The following MAT2A variants were observed in gnomAD, a reference collection of about 807,000 sequenced individuals.
MAT2A encodes S-adenosylmethionine synthase isoform type-2.
A neutral mutation model predicts 43.9 loss-of-function variants in MAT2A; 3 were observed. The observed-to-expected ratio is 0.07, with a 90% CI of 0.03 to 0.18. The LOEUF is 0.18. Among genes scored for constraint, MAT2A ranks in the 10% least tolerant of loss-of-function variants. The pLI is 1.00. For synonymous variants in MAT2A, 200 were observed against 168.4 expected, an observed-to-expected ratio of 1.19 and a Z score of -1.45; for missense variants, 204 against 489.0, an observed-to-expected ratio of 0.42 and a Z score of 5.50.
At chr2:85,541,200 C>G in intron 2 of MAT2A, 40 bp downstream of exon 2, 1 of 1,610,376 alleles carries the variant, frequency 6.2e-7, no homozygotes, top group Non-Finnish European at 8.5e-7. Context: ...GGAAAGATAG[C>G]ATAAAAATTA....
In MAT2A at chr2:85,544,401, C is replaced by T. The variant is rs1573310292; in HGVS notation, c.*629C>T. On this transcript the variant is annotated 3_prime_UTR_variant, in exon 9 of 9. Transcript: ENST00000306434. ...AAAAAGGCAGTTACCATTAAACCAT[C>T]TCCCTGGTGCTTATGCTCTTAATTG... 6.5e-6 allele frequency: 1 copy of T among 152,682 alleles called. No individual in the cohort carries two copies. Among genetic ancestry groups the T allele is most frequent in the African/African-American group, 2.4e-5 (1 of 41,456 alleles). The allele number at this position is 152,682 out of a possible 1,614,324, so 9.5% of individuals were successfully genotyped here. A position where few individuals can be genotyped will look rare whatever the true frequency, so the allele number is the denominator to read the frequency against.
chr2:85,542,768 G>A (rs760713210), intron 7 of MAT2A, 21 bp downstream of exon 7: 17 of 1,585,788 alleles, frequency 1.1e-5, no homozygotes, highest in South Asian at 3.4e-5. Context: ...TTTATATAAC[G>A]AACGATTAAA....
chr2:85,542,876 T>G, intron 7 of MAT2A, 25 bp from the exon 8 acceptor site: 1 of 1,605,728 alleles, frequency 6.2e-7, no homozygotes, highest in Non-Finnish European at 8.5e-7. Context: ...AATCACTGAT[T>G]CTTACGACAT....
rs1319142941 is a variant in MAT2A at position 85,541,114 on chromosome 2, C to A, written c.123C>A (p.Val41=). 6.2e-7 allele frequency: 1 copy of A among 1,613,756 alleles called. No individual in the cohort carries two copies. The highest frequency in any genetic ancestry group is 1.3e-5 in the African/African-American group (1 of 75,020). The change falls in exon 2 of 9, where the codon GTC becomes GTA. Residue 41 remains valine, a synonymous_variant. Coordinates refer to ENST00000306434, the MANE Select transcript of MAT2A (RefSeq NM_005911.6). ...TTTGTGACCAAATCAGTGATGCTGT[C>A]CTTGATGCCCACCTTCAGCAGGATC... ...DKICDQISDA[V]LDAHLQQDPD... is the part of the protein sequence containing the mutation.
chr2:85,542,006 T>G (rs992684601), intron 5 of MAT2A, 34 bp downstream of exon 5: 17 of 1,605,622 alleles, frequency 1.1e-5, no homozygotes, highest in Non-Finnish European at 1.4e-5. Context: ...GTTGTCTCAT[T>G]TATTACATCA....
At chr2:85,543,620 T>C in intron 8 of MAT2A, 50 bp from the exon 9 acceptor site, 1 of 1,130,776 alleles carries the variant, frequency 8.8e-7, no homozygotes. Context: ...ATTGTTTTGC[T>C]TTATTTTAAT....
chr2:85,541,913 C>G lies in MAT2A; in HGVS notation c.490C>G (p.Leu164Val). The G allele has an allele frequency of 6.2e-7, 1 of 1,614,252 alleles. No individual in the cohort carries two copies. The highest frequency in any genetic ancestry group is 2.2e-5 in the East Asian group (1 of 44,890). ...CTTGGCACACAAGCTAAATGCCAAA[C>G]TGGCAGAACTACGCCGTAATGGCAC... ...IVLAHKLNAK[L>V]AELRRNGTLP... The change falls in exon 5 of 9, where the codon CTG becomes GTG. Residue 164 changes from leucine to valine, a missense_variant. Transcript: ENST00000306434.
In MAT2A at chr2:85,544,014, T is replaced by C; in HGVS notation, c.*242T>C. On this transcript the variant is annotated 3_prime_UTR_variant, in exon 9 of 9. Coordinates refer to ENST00000306434, the MANE Select transcript of MAT2A (RefSeq NM_005911.6). Reference sequence around the variant, plus strand: ...GAATTTAGTGAGCATAGGTGATCCATGTAACTGCCTAGAAACAACACTGTA... The same window carrying C: ...GAATTTAGTGAGCATAGGTGATCCACGTAACTGCCTAGAAACAACACTGTA... 1 of 361,150 alleles carries C rather than the reference T, an allele frequency of 2.8e-6. No homozygotes were observed. The highest frequency in any genetic ancestry group is 5.1e-6 in the Non-Finnish European group (1 of 197,144). 22.4% of individuals were successfully genotyped at this position (361,150 alleles called of 1,614,324 possible). A position where few individuals can be genotyped will look rare whatever the true frequency, so the allele number is the denominator to read the frequency against.
chr2:85,540,985 A>C, intron 1 of MAT2A, 98 bp from the exon 2 acceptor site: 1 of 774,642 alleles, frequency 1.3e-6, no homozygotes, highest in African/African-American at 1.7e-5. Flanking sequence ...TAAAATCTCC[A>C]AAGATTTTAC....
chr2:85,541,341 G>A lies in MAT2A; in HGVS notation c.256G>A (p.Ala86Thr), dbSNP rs924043399. The change falls in exon 3 of 9, where the codon GCT becomes ACT. Residue 86 changes from alanine to threonine, a missense_variant. Transcript: ENST00000306434. ...TGACTACCAGAAAGTGGTTCGTGAA[G>A]CTGTTAAACACATTGGATATGATGA... is the stretch of plus-strand genomic sequence containing the variant. Reference protein sequence around the residue: ...AVDYQKVVREAVKHIGYDDSS... With the variant: ...AVDYQKVVRETVKHIGYDDSS... 3 of 1,613,792 alleles carry A rather than the reference G, an allele frequency of 1.9e-6. No individual in the cohort carries two copies. Among genetic ancestry groups the A allele is most frequent in the African/African-American group, 2.7e-5 (2 of 74,922 alleles).
At chr2:85,542,401 G>C (rs749772574) in intron 6 of MAT2A, 28 bp downstream of exon 6, 1 of 1,601,762 alleles carries the variant, frequency 6.2e-7, no homozygotes, top group Admixed American at 1.7e-5. Flanking sequence ...CATTTTTCTG[G>C]ATTTTTGATG....
At chr2:85,539,597 T>G in intron 1 of MAT2A, 1 of 423,578 alleles carries the variant, frequency 2.4e-6, no homozygotes. Context: ...CCTTCCCCCC[T>G]CCCTTTTCAT....
chr2:85,541,298 T>TA lies in MAT2A; in HGVS notation c.214dup (p.Thr72AsnfsTer7). On this transcript the variant is annotated frameshift_variant, in exon 3 of 9. Coordinates refer to ENST00000306434, the MANE Select transcript of MAT2A (RefSeq NM_005911.6). LOFTEE classifies it high-confidence loss of function. ...GAATGATCCTTCTTGCTGGGGAAAT[T>TA]ACATCCAGAGCTGCTGTTGACTACC... The TA allele has an allele frequency of 6.2e-7, 1 of 1,614,186 alleles. No individual in the cohort carries two copies. Among genetic ancestry groups the TA allele is most frequent in the Non-Finnish European group, 8.5e-7 (1 of 1,180,028 alleles).
intron 8 of MAT2A, 126 bp downstream of exon 8, chr2:85,543,160 G>C: frequency 8.8e-7 from 1 of 1,138,106 alleles, no homozygotes; most frequent in Non-Finnish European, 1.2e-6. Context: ...TTTAATTCCT[G>C]GAACAGTTTT....
At chr2:85,540,304 AGTT>A (rs756677182) in intron 1 of MAT2A, among the ~76,000 whole-genome samples, 11 of 152,300 alleles carry the variant, frequency 7.2e-5, no homozygotes, top group Non-Finnish European at 1.6e-4. Flanking sequence ...TGACCGCAGT[AGTT>A]ATCTATCTGG....
Position 85,541,823 on chromosome 2 carries a change from C to G in MAT2A, c.406-6C>G. ...TTGATCACATTGGTGACTTTTCTTT[C>G]TTTAGGGCTTAATGTTTGGCTATGC... On this transcript the variant is annotated splice_polypyrimidine_tract_variant and splice_region_variant and intron_variant, in intron 4 of 8. Coordinates refer to ENST00000306434, the MANE Select transcript of MAT2A (RefSeq NM_005911.6). The G allele has an allele frequency of 1.2e-6, 2 of 1,613,922 alleles. No homozygotes were observed. The highest frequency in any genetic ancestry group is 1.7e-6 in the Non-Finnish European group (2 of 1,179,824).
intron 1 of MAT2A, 68 bp downstream of exon 1, chr2:85,539,446 G>T: frequency 1.5e-6 from 2 of 1,317,454 alleles, no homozygotes; most frequent in South Asian, 1.3e-5. Flanking sequence ...GGCTGGCTGC[G>T]GCCGGCCGGT....
Position 85,539,319 on chromosome 2 carries a change from C to T in MAT2A, c.32C>T (p.Ala11Val), listed in dbSNP as rs139547506. 27 of 1,606,082 alleles carry T rather than the reference C, an allele frequency of 1.7e-5. No individual in the cohort carries two copies. The African/African-American group carries it at 3.1e-4, about 19-fold the overall frequency. MNGQLNGFHEAFIEEGTFLFT... is the reference protein window; with the variant it reads MNGQLNGFHEVFIEEGTFLFT... ...GGACAGCTCAACGGCTTCCACGAGGCGTTCATCGAGGAGGGCACATTCCTT... is the reference window on the plus strand; with the variant it reads ...GGACAGCTCAACGGCTTCCACGAGGTGTTCATCGAGGAGGGCACATTCCTT... Residue 11 changes from alanine to valine, a missense_variant, in exon 1 of 9, where the codon GCG becomes GTG. This residue lies in a region of MAT2A where 36 missense variants were observed against 24.2 expected (regional missense o/e 1.49). Transcript: ENST00000306434.
At chr2:85,540,556 C>G (rs929123113) in intron 1 of MAT2A, among the ~76,000 whole-genome samples, 2 of 152,146 alleles carry the variant, frequency 1.3e-5, no homozygotes, top group Non-Finnish European at 2.9e-5. Flanking sequence ...TTTGTTCTCC[C>G]TCCTAACAAT....
Sources: allele counts gnomAD v4.1 joint callset (sites outside exome capture counted in the v4.1 genomes callset), GRCh38; gene constraint gnomAD v4.1.1; regional missense constraint gnomAD v4.1.1; transcripts MANE v1.5; gene names NCBI Gene and HGNC (gene_info 2026-07-23, HGNC 2026-07-21).